Variants in STK32B observed in about 807,000 individuals in gnomAD.
STK32B encodes the protein serine/threonine kinase 32B, also known as serine/threonine-protein kinase 32B.
STK32B carries 43 observed loss-of-function variants against 52.6 expected under a neutral mutation model. That is an observed-to-expected ratio of 0.82 (90% CI 0.64 to 1.05). The LOEUF is 1.05. Among genes scored for constraint, STK32B ranks in the 50% least tolerant of loss-of-function variants. The pLI is 0.00. For missense variants in STK32B, 621 were observed against 534.6 expected, an observed-to-expected ratio of 1.16 and a Z score of -1.59; for synonymous variants, 238 against 204.3, an observed-to-expected ratio of 1.17 and a Z score of -1.41.
At chr4:5,382,460 G>A (rs934458609) in intron 4 of STK32B, among the ~76,000 whole-genome samples, 1 of 152,146 alleles carries the variant, frequency 6.6e-6, no homozygotes, top group East Asian at 1.9e-4. Flanking sequence ...TCCTCCAAGG[G>A]CAATTGGCTC....
At chr4:5,151,216 A>G (rs1276429795) in intron 2 of STK32B, among the ~76,000 whole-genome samples, 1 of 152,206 alleles carries the variant, frequency 6.6e-6, no homozygotes, top group Non-Finnish European at 1.5e-5. Flanking sequence ...CACAAGGTTA[A>G]CCTGCTTTAA....
intron 4 of STK32B, among the ~76,000 whole-genome samples, chr4:5,358,271 T>C (rs1734307974): frequency 6.6e-6 from 1 of 152,142 alleles, no homozygotes; most frequent in South Asian, 2.1e-4. Flanking sequence ...TGGAATGAAA[T>C]CTGAGAGCAG....
At chr4:5,412,788 T>TC (rs1258259832) in intron 5 of STK32B, among the ~76,000 whole-genome samples, 1 of 152,190 alleles carries the variant, frequency 6.6e-6, no homozygotes, top group Non-Finnish European at 1.5e-5. Context: ...GGTTGCATTT[T>TC]CCCCCTCTTT....
At chr4:5,259,637 G>T (rs1194139473) in intron 3 of STK32B, among the ~76,000 whole-genome samples, 1 of 152,180 alleles carries the variant, frequency 6.6e-6, no homozygotes, top group Non-Finnish European at 1.5e-5. Flanking sequence ...TGCTCAGTGA[G>T]TGTTATCTTC....
chr4:5,419,014 C>T (rs940082434), intron 6 of STK32B, among the ~76,000 whole-genome samples: 1 of 152,182 alleles, frequency 6.6e-6, no homozygotes, highest in African/African-American at 2.4e-5. Context: ...TCGGCTATAA[C>T]TTTCTTATTG....
chr4:5,148,101 G>GTT (rs1389400319), intron 2 of STK32B, among the ~76,000 whole-genome samples: 2 of 151,618 alleles, frequency 1.3e-5, no homozygotes, highest in South Asian at 2.1e-4. Context: ...CAGATTTTGT[G>GTT]TTTTTTCGTA....
chr4:5,174,598 A>G (rs1374241424), intron 3 of STK32B, among the ~76,000 whole-genome samples: 1 of 152,142 alleles, frequency 6.6e-6, no homozygotes, highest in African/African-American at 2.4e-5. Context: ...TGGGTTGAAA[A>G]TTCTTTTATT....
intron 3 of STK32B, among the ~76,000 whole-genome samples, chr4:5,209,568 C>A (rs1722784499): frequency 6.6e-6 from 1 of 152,162 alleles, no homozygotes; most frequent in South Asian, 2.1e-4. Flanking sequence ...GGTCAAAATT[C>A]TGAAGACAGT....
chr4:5,488,856 C>A (rs559809530), intron 11 of STK32B, among the ~76,000 whole-genome samples: 16 of 152,106 alleles, frequency 1.1e-4, no homozygotes, highest in African/African-American at 3.4e-4. Context: ...AAAACCACCT[C>A]TAAATAGCCT....
chr4:5,403,170 A>G (rs1031149149), intron 5 of STK32B, among the ~76,000 whole-genome samples: 1 of 152,174 alleles, frequency 6.6e-6, no homozygotes, highest in African/African-American at 2.4e-5. Context: ...AACCTGCCCC[A>G]AGGCACACTT....
chr4:5,045,714 T>C, the STK32B span, among the ~76,000 whole-genome samples: 1 of 152,210 alleles, frequency 6.6e-6, no homozygotes, highest in East Asian at 1.9e-4. Context: ...GTGTGCCTAT[T>C]GTTGGTGTAA....
At chr4:5,452,076 T>TG (rs1716054847) in intron 7 of STK32B, among the ~76,000 whole-genome samples, 1 of 152,214 alleles carries the variant, frequency 6.6e-6, no homozygotes, top group Non-Finnish European at 1.5e-5. Flanking sequence ...GTAAGGCCTA[T>TG]GGGCTTCATG....
intron 3 of STK32B, among the ~76,000 whole-genome samples, chr4:5,317,547 A>C (rs1731183311): frequency 8.2e-6 from 1 of 122,360 alleles, no homozygotes; most frequent in South Asian, 2.3e-4. Flanking sequence ...ATGTATATAT[A>C]TATATATATA....
Position 5,372,721 on chromosome 4 carries a change from G to GC in STK32B, c.435-25486_435-25485insC, listed in dbSNP as rs1491213125. Among the ~76,000 whole-genome samples, 235 of 76,940 alleles carry GC rather than the reference G, an allele frequency of 3.1e-3. 1 individual carries two copies. The highest frequency in any genetic ancestry group is 0.01 in the African/African-American group (189 of 18,106). 50.5% of individuals were successfully genotyped at this position (76,940 alleles called of 152,430 possible). On this transcript the variant is annotated intron_variant, in intron 4 of 11. Transcript: ENST00000282908. ...CTCGTGGCCTCAGCAGGAGAAAGTTGGGGGGGGGGGCGGTTATTTCAGACT... is the reference window on the plus strand; with the variant it reads ...CTCGTGGCCTCAGCAGGAGAAAGTTGCGGGGGGGGGGCGGTTATTTCAGACT...
At chr4:5,408,990 T>G (rs1023625866) in intron 5 of STK32B, among the ~76,000 whole-genome samples, 2 of 152,132 alleles carry the variant, frequency 1.3e-5, no homozygotes, top group African/African-American at 4.8e-5. Context: ...GGGCTTGAAT[T>G]CTGGCTGCAG....
In STK32B at chr4:5,051,847, G is replaced by A. The variant is rs769997395; in HGVS notation, c.-17G>A. On this transcript the variant is annotated 5_prime_UTR_variant, in exon 1 of 12. Transcript: ENST00000282908. Reference sequence around the variant, plus strand: ...TCCCAGCGGCCGGGCATGTAGCAGCGGCAGCAACGGCGGAATATGGGCGGG... The same window carrying A: ...TCCCAGCGGCCGGGCATGTAGCAGCAGCAGCAACGGCGGAATATGGGCGGG... The A allele has an allele frequency of 4.4e-6, 7 of 1,592,388 alleles. No homozygotes were observed. The Admixed American group carries it at 5.2e-5, about 12-fold the overall frequency.
intron 4 of STK32B, among the ~76,000 whole-genome samples, chr4:5,388,747 T>C (rs1434589771): frequency 6.6e-6 from 1 of 152,206 alleles, no homozygotes; most frequent in Admixed American, 6.5e-5. Flanking sequence ...AGAAGATGAC[T>C]CCCTCATTGG....
intron 4 of STK32B, among the ~76,000 whole-genome samples, chr4:5,361,366 C>A (rs891954631): frequency 1.3e-5 from 2 of 152,094 alleles, no homozygotes; most frequent in Non-Finnish European, 2.9e-5. Context: ...TATAGTAATT[C>A]TATTTTAATT....
intron 1 of STK32B, among the ~76,000 whole-genome samples, chr4:5,068,477 G>A (rs952332869): frequency 1.3e-5 from 2 of 152,146 alleles, no homozygotes; most frequent in African/African-American, 4.8e-5. Flanking sequence ...GAGAGGTTTT[G>A]TTAGCTCCAT....
Sources: allele counts gnomAD v4.1 joint callset (sites outside exome capture counted in the v4.1 genomes callset), GRCh38; gene constraint gnomAD v4.1.1; transcripts MANE v1.5; gene names NCBI Gene and HGNC (gene_info 2026-07-23, HGNC 2026-07-21).